The following SPECC1 variants were observed in gnomAD, a reference collection of about 807,000 sequenced individuals.
SPECC1 encodes sperm antigen with calponin homology and coiled-coil domains 1.
A neutral mutation model predicts 104.1 loss-of-function variants in SPECC1; 62 were observed. The observed-to-expected ratio is 0.60, with a 90% CI of 0.49 to 0.74. The LOEUF (loss-of-function observed/expected upper bound fraction) is 0.74. Among genes scored for constraint, SPECC1 ranks in the 30% least tolerant of loss-of-function variants. The pLI is 0.00. For missense variants in SPECC1, 1,306 were observed against 1,310.5 expected (o/e 1.00, Z 0.05); for synonymous variants, 513 against 501.6 (o/e 1.02, Z -0.30).
intron 3 of SPECC1, among the ~76,000 whole-genome samples, chr17:20,131,827 T>A (rs932115039): frequency 6.6e-6 from 1 of 152,008 alleles, no homozygotes; most frequent in Non-Finnish European, 1.5e-5. Context: ...TTTTTTGTAT[T>A]TTAGTAGAGA....
chr17:20,156,183 CG>C, intron 3 of SPECC1: 1 of 1,445,642 alleles, frequency 6.9e-7, no homozygotes. Flanking sequence ...GGCTGGTGCC[CG>C]AGTCGGCCAA....
At chr17:20,198,645 C>G (rs1240485517) in intron 3 of SPECC1, among the ~76,000 whole-genome samples, 1 of 152,212 alleles carries the variant, frequency 6.6e-6, no homozygotes, top group Non-Finnish European at 1.5e-5. Flanking sequence ...TGAGACGGGC[C>G]TCTAACCCCC....
At chr17:20,223,981 A>T (rs1254587956) in intron 4 of SPECC1, among the ~76,000 whole-genome samples, 1 of 152,210 alleles carries the variant, frequency 6.6e-6, no homozygotes, top group African/African-American at 2.4e-5. Context: ...TTTCTTGAGA[A>T]GACTTTCCAG....
chr17:20,292,823 C>T (rs1212487808), intron 12 of SPECC1, among the ~76,000 whole-genome samples: 1 of 152,174 alleles, frequency 6.6e-6, no homozygotes, highest in African/African-American at 2.4e-5. Flanking sequence ...GTTGACTGTG[C>T]TTGTGTCGTG....
intron 4 of SPECC1, among the ~76,000 whole-genome samples, chr17:20,226,958 G>A (rs1567961275): frequency 6.6e-6 from 1 of 152,108 alleles, no homozygotes; most frequent in South Asian, 2.1e-4. Flanking sequence ...GCAGATGTGC[G>A]GTGGGGGTGG....
intron 3 of SPECC1, among the ~76,000 whole-genome samples, chr17:20,200,201 A>G (rs2036322390): frequency 6.6e-6 from 1 of 152,234 alleles, no homozygotes; most frequent in South Asian, 2.1e-4. Flanking sequence ...AGAAACAGTA[A>G]CATTACTCAC....
intron 3 of SPECC1, chr17:20,113,040 T>C (rs2152525955): frequency 1.3e-6 from 1 of 792,096 alleles, no homozygotes; most frequent in East Asian, 2.4e-5. Flanking sequence ...GTTTTCCTTA[T>C]CACTTTTCTT....
intron 1 of SPECC1, among the ~76,000 whole-genome samples, chr17:20,032,816 C>T (rs535362540): frequency 2.6e-4 from 39 of 151,978 alleles, no homozygotes; most frequent in African/African-American, 9.4e-4. Flanking sequence ...CCCGTGATAC[C>T]CCATCCTATC....
intron 1 of SPECC1, among the ~76,000 whole-genome samples, chr17:20,060,355 A>G (rs2046138910): frequency 6.6e-6 from 1 of 152,206 alleles, no homozygotes; most frequent in Admixed American, 6.5e-5. Flanking sequence ...CATAAATGCT[A>G]AAGCGTCTGG....
chr17:20,104,513 C>G (rs2048092982), intron 2 of SPECC1, among the ~76,000 whole-genome samples: 2 of 151,978 alleles, frequency 1.3e-5, no homozygotes, highest in East Asian at 3.9e-4. Flanking sequence ...GAGGCCGAGG[C>G]AGGTGGATCA....
At chr17:20,147,158 G>A (rs1370050286) in intron 3 of SPECC1, among the ~76,000 whole-genome samples, 4 of 145,528 alleles carry the variant, frequency 2.7e-5, no homozygotes, top group Admixed American at 7.1e-5. Context: ...CGCAGGCTCC[G>A]CCTCCTGGGT....
chr17:20,255,648 C>T (rs1489024140), intron 10 of SPECC1, among the ~76,000 whole-genome samples: 1 of 152,130 alleles, frequency 6.6e-6, no homozygotes, highest in Non-Finnish European at 1.5e-5. Context: ...TCACTACAGC[C>T]TCAAACATCT....
intron 3 of SPECC1, among the ~76,000 whole-genome samples, chr17:20,181,675 T>G (rs988469131): frequency 1.3e-5 from 2 of 152,106 alleles, no homozygotes; most frequent in African/African-American, 4.8e-5. Flanking sequence ...AATAAGAGAA[T>G]TTGTGATTAT....
intron 1 of SPECC1, among the ~76,000 whole-genome samples, chr17:20,088,413 G>A (rs2152497370): frequency 6.6e-6 from 1 of 152,308 alleles, no homozygotes; most frequent in South Asian, 2.1e-4. Flanking sequence ...AGTGAGGGGA[G>A]GCTGCAGCAC....
At chr17:20,055,084 C>T (rs1413930255) in intron 1 of SPECC1, among the ~76,000 whole-genome samples, 9 of 152,098 alleles carry the variant, frequency 5.9e-5, no homozygotes, top group Non-Finnish European at 1.3e-4. Context: ...TTAGTAACTC[C>T]TCGTTTCCCG....
intron 1 of SPECC1, among the ~76,000 whole-genome samples, chr17:20,066,451 T>C (rs1351169868): frequency 6.6e-6 from 1 of 152,218 alleles, no homozygotes; most frequent in Non-Finnish European, 1.5e-5. Flanking sequence ...ATTCCTTCAG[T>C]GGAAGAGCAT....
In SPECC1 at chr17:20,032,709, AATTCTGTGG is replaced by A. The variant is rs533347187; in HGVS notation, c.-22+23287_-22+23295del. 2.8e-4 allele frequency among the ~76,000 whole-genome samples: 43 copies of A among 151,832 alleles called. No individual in the cohort carries two copies. In the East Asian group the frequency reaches 5.6e-3, roughly 20 times the overall value. On this transcript the variant is annotated intron_variant, in intron 1 of 14. Coordinates refer to ENST00000395527, the MANE Select transcript of SPECC1 (RefSeq NM_001243439.2). ...TCCTTTTTTAATCACGCTTTTCTTT[AATTCTGTGG>A]ACATATTTATAATGGTTACTCCAAA...
chr17:20,304,124 A>T (rs974332006), intron 13 of SPECC1, among the ~76,000 whole-genome samples: 1 of 145,718 alleles, frequency 6.9e-6, no homozygotes, highest in Non-Finnish European at 1.5e-5. Context: ...ATACAAAAAA[A>T]AAAAAAAAAA....
intron 12 of SPECC1, among the ~76,000 whole-genome samples, chr17:20,278,372 G>C (rs990279914): frequency 5.3e-5 from 8 of 152,324 alleles, no homozygotes; most frequent in Non-Finnish European, 8.8e-5. Flanking sequence ...AGGGAGAGCA[G>C]AGGCCAGCGC....
Sources: gnomAD v4.1 joint callset for allele counts (sites outside exome capture counted in the v4.1 genomes callset) on GRCh38, gnomAD v4.1.1 for gene constraint, MANE v1.5 for transcripts, NCBI Gene and HGNC (gene_info 2026-07-23, HGNC 2026-07-21) for gene names.